The following MSH3 variants were observed in gnomAD, a reference collection of about 807,000 sequenced individuals.
The protein encoded by MSH3 is DNA mismatch repair protein Msh3.
MSH3 carries 106 observed loss-of-function variants against 123.3 expected under a neutral mutation model. The observed-to-expected ratio is 0.86, with a 90% CI of 0.73 to 1.01. The LOEUF (loss-of-function observed/expected upper bound fraction) is 1.01. MSH3 is among the 50% of genes least tolerant of loss of function. The pLI is 0.00. For missense variants in MSH3, 1,459 were observed against 1,347.6 expected (o/e 1.08, Z -1.29); for synonymous variants, 515 against 481.4 (o/e 1.07, Z -0.91).
rs1750316635 is a variant in MSH3 at position 80,692,562 on chromosome 5, ATG to A, written c.1340+13471_1340+13472del. Among the ~76,000 whole-genome samples the A allele has an allele frequency of 6.2e-5, 9 of 144,620 alleles. 1 individual carries two copies. Among genetic ancestry groups the A allele is most frequent in the African/African-American group, 2.3e-4 (9 of 39,568 alleles). The allele number at this position is 144,620 out of a possible 152,430, so 94.9% of individuals were successfully genotyped here. A position where few individuals can be genotyped will look rare whatever the true frequency, so the allele number is the denominator to read the frequency against. On this transcript the variant is annotated intron_variant, in intron 8 of 23. Coordinates refer to ENST00000265081, the MANE Select transcript of MSH3 (RefSeq NM_002439.5). Reference sequence around the variant, plus strand: ...TATATGTTTATATAGAGAGATAAACATGTATATGTTTATATAGAGAGATAAAC... The same window carrying A: ...TATATGTTTATATAGAGAGATAAACATATATGTTTATATAGAGAGATAAAC...
At chr5:80,668,932 G>A (rs1322845725) in intron 3 of MSH3, among the ~76,000 whole-genome samples, 1 of 152,194 alleles carries the variant, frequency 6.6e-6, no homozygotes, top group African/African-American at 2.4e-5. Flanking sequence ...GCTCCTGTCG[G>A]TTCTGTGGAG....
intron 21 of MSH3, among the ~76,000 whole-genome samples, chr5:80,857,022 G>A (rs1189247124): frequency 6.6e-6 from 1 of 152,184 alleles, no homozygotes; most frequent in East Asian, 1.9e-4. Flanking sequence ...TAAGTATGAT[G>A]TTAGCTAGAG....
intron 20 of MSH3, among the ~76,000 whole-genome samples, chr5:80,817,114 A>G (rs896170481): frequency 7.9e-5 from 12 of 152,322 alleles, no homozygotes; most frequent in Middle Eastern, 3.4e-3. Flanking sequence ...CCAAGATTTC[A>G]TAGTTGAGTA....
In MSH3 at chr5:80,768,923, G is replaced by A. The variant is rs200612739; in HGVS notation, c.2173G>A (p.Glu725Lys). 7.7e-5 allele frequency: 124 copies of A among 1,612,612 alleles called. No individual in the cohort carries two copies. The highest frequency in any genetic ancestry group is 1.2e-4 in the Admixed American group (7 of 59,970). ...RKDEIQGVID[E>K]IRMHLQEIRK... The stretch of plus-strand genomic sequence containing the variant: ...GGATGAAATTCAAGGTGTTATTGAC[G>A]AGATCCGAATGCATTTGCAAGAAAT... The change falls in exon 15 of 24, where the codon GAG becomes AAG. Residue 725 changes from glutamate (E) to lysine (K), a missense_variant. Transcript: ENST00000265081.
intron 7 of MSH3, 139 bp from the exon 8 acceptor site, chr5:80,678,788 G>C: frequency 2.3e-6 from 2 of 886,014 alleles, no homozygotes; most frequent in South Asian, 1.4e-5. Context: ...AAAGCAGACA[G>C]GTTTCTAACA....
intron 12 of MSH3, among the ~76,000 whole-genome samples, chr5:80,745,407 C>T (rs1191942475): frequency 6.6e-6 from 1 of 152,184 alleles, no homozygotes; most frequent in Admixed American, 6.5e-5. Flanking sequence ...TTATTGCACA[C>T]TTTCTATTTA....
intron 18 of MSH3, among the ~76,000 whole-genome samples, chr5:80,792,164 G>C (rs1744617979): frequency 6.6e-6 from 1 of 152,048 alleles, no homozygotes; most frequent in Admixed American, 6.6e-5. Flanking sequence ...ATTCATTAAT[G>C]AAAATAAGTA....
intron 20 of MSH3, among the ~76,000 whole-genome samples, chr5:80,851,552 C>T (rs1448133634): frequency 1.3e-5 from 2 of 152,160 alleles, no homozygotes; most frequent in African/African-American, 4.8e-5. Context: ...GTTAAGTGCT[C>T]ATTATAATTA....
At chr5:80,759,366 C>G (rs1330765022) in intron 12 of MSH3, among the ~76,000 whole-genome samples, 1 of 152,068 alleles carries the variant, frequency 6.6e-6, no homozygotes, top group Admixed American at 6.6e-5. Flanking sequence ...GGTAGGAGTT[C>G]GCCAGACGAA....
chr5:80,797,761 G>C (rs1487098843), intron 19 of MSH3, among the ~76,000 whole-genome samples: 5 of 152,286 alleles, frequency 3.3e-5, no homozygotes, highest in Admixed American at 3.3e-4. Flanking sequence ...AGAAGGAAGA[G>C]GTTGCTCAGA....
chr5:80,854,011 A>G (rs1189613545), intron 20 of MSH3, 119 bp from the exon 21 acceptor site: 3 of 834,504 alleles, frequency 3.6e-6, no homozygotes, highest in Non-Finnish European at 3.8e-6. Context: ...TTGAGCTATT[A>G]TTGGCTCAAA....
chr5:80,737,189 GTGA>G (rs1743526007), intron 10 of MSH3, among the ~76,000 whole-genome samples: 1 of 152,174 alleles, frequency 6.6e-6, no homozygotes, highest in Non-Finnish European at 1.5e-5. Flanking sequence ...AGTTAGACAA[GTGA>G]TGAATTTATG....
chr5:80,761,499 C>G, intron 12 of MSH3, 47 bp from the exon 13 acceptor site: 1 of 1,610,174 alleles, frequency 6.2e-7, no homozygotes, highest in Middle Eastern at 1.7e-4. Flanking sequence ...TGTCTATATT[C>G]TGAATTCCTA....
intron 10 of MSH3, among the ~76,000 whole-genome samples, chr5:80,739,719 A>G (rs550063001): frequency 1.6e-4 from 24 of 152,332 alleles, no homozygotes; most frequent in Non-Finnish European, 2.8e-4. Flanking sequence ...CCTGTCACAG[A>G]TACATTACAC....
intron 12 of MSH3, among the ~76,000 whole-genome samples, chr5:80,745,237 T>C (rs978300493): frequency 6.6e-6 from 1 of 152,284 alleles, no homozygotes; most frequent in East Asian, 1.9e-4. Flanking sequence ...CCAGCCCCCA[T>C]AGATTGTGAT....
chr5:80,795,021 A>G (rs902801596), intron 19 of MSH3, among the ~76,000 whole-genome samples: 1 of 152,092 alleles, frequency 6.6e-6, no homozygotes, highest in Non-Finnish European at 1.5e-5. Flanking sequence ...GGTTAGAAAC[A>G]GAAGTACTAA....
chr5:80,858,854 A>G (rs558983007), intron 21 of MSH3, among the ~76,000 whole-genome samples: 31 of 152,220 alleles, frequency 2.0e-4, no homozygotes, highest in Non-Finnish European at 4.1e-4. Flanking sequence ...TTGTAGTTCT[A>G]TCAGCTTTTG....
intron 2 of MSH3, among the ~76,000 whole-genome samples, chr5:80,658,037 CTT>C (rs397942439): frequency 6.0e-5 from 7 of 116,610 alleles, no homozygotes; most frequent in Admixed American, 9.3e-5. Flanking sequence ...TTTTTGCCCT[CTT>C]TTTTTTTTTT....
At chr5:80,688,457 T>G (rs938796034) in intron 8 of MSH3, among the ~76,000 whole-genome samples, 2 of 152,242 alleles carry the variant, frequency 1.3e-5, no homozygotes, top group African/African-American at 4.8e-5. Flanking sequence ...ATGTCACTTA[T>G]GGTGACACGT....
Sources: gnomAD v4.1 joint callset for allele counts (sites outside exome capture counted in the v4.1 genomes callset) on GRCh38, gnomAD v4.1.1 for gene constraint, MANE v1.5 for transcripts, NCBI Gene and HGNC (gene_info 2026-07-23, HGNC 2026-07-21) for gene names.